LAMA2: variants seen among roughly 807,000 people sequenced by gnomAD.
LAMA2 encodes laminin subunit alpha 2, also known as laminin subunit alpha-2.
Under a neutral mutation model 364.8 loss-of-function variants are expected in LAMA2, and 269 were observed. The observed-to-expected ratio is 0.74, with a 90% CI of 0.67 to 0.82. LAMA2 has a LOEUF of 0.82. Ranked by LOEUF, LAMA2 falls within the 40% of genes least tolerant of loss-of-function variation. The probability of loss-of-function intolerance (pLI) is 0.00; values close to 1 mark genes in which losing one functional copy is unlikely to be tolerated. For synonymous variants in LAMA2, 1,379 were observed against 1,370.6 expected (o/e 1.01, Z -0.14); for missense variants, 3,807 against 3,873.2 (o/e 0.98, Z 0.45).
intron 32 of LAMA2, among the ~76,000 whole-genome samples, chr6:129,359,858 T>C (rs1485637320): frequency 2.6e-5 from 4 of 152,090 alleles, no homozygotes; most frequent in Middle Eastern, 3.2e-3. Context: ...TTATTATGCA[T>C]GGGGAATCCT....
At chr6:129,145,351 AT>A (rs983442504) in intron 5 of LAMA2, among the ~76,000 whole-genome samples, 10 of 151,978 alleles carry the variant, frequency 6.6e-5, no homozygotes, top group Non-Finnish European at 1.3e-4. Flanking sequence ...AGTGCCCTGT[AT>A]TTTCCAAACT....
chr6:129,004,263 G>C (rs559338927), intron 1 of LAMA2, among the ~76,000 whole-genome samples: 2 of 49,908 alleles, frequency 4.0e-5, no homozygotes, highest in East Asian at 6.6e-4. Context: ...TGGGGTCGGG[G>C]GAGGGGGGAG....
intron 4 of LAMA2, among the ~76,000 whole-genome samples, chr6:129,126,657 A>G (rs1777131951): frequency 6.6e-6 from 1 of 152,234 alleles, no homozygotes; most frequent in African/African-American, 2.4e-5. Flanking sequence ...AGTGTTAAAT[A>G]TGAATATCAG....
intron 10 of LAMA2, among the ~76,000 whole-genome samples, chr6:129,184,335 C>T (rs1037078422): frequency 5.9e-5 from 9 of 151,912 alleles, no homozygotes; most frequent in African/African-American, 1.9e-4. Context: ...ATAAAAGGTT[C>T]ATGCATGAAT....
At chr6:128,924,451 G>C (rs950640531) in intron 1 of LAMA2, among the ~76,000 whole-genome samples, 1 of 152,034 alleles carries the variant, frequency 6.6e-6, no homozygotes. Flanking sequence ...AATTTTCCAG[G>C]TAAGTTTATA....
At chr6:129,436,340 T>C (rs948091024) in intron 41 of LAMA2, among the ~76,000 whole-genome samples, 1 of 152,178 alleles carries the variant, frequency 6.6e-6, no homozygotes, top group African/African-American at 2.4e-5. Context: ...AGCATATATA[T>C]GGTGCATCTT....
chr6:129,169,105 A>G (rs1174553944), intron 9 of LAMA2, among the ~76,000 whole-genome samples: 6 of 152,064 alleles, frequency 3.9e-5, no homozygotes, highest in Admixed American at 2.6e-4. Context: ...TGTCGTCTGC[A>G]AACGGGGACA....
chr6:128,991,136 A>G (rs967098425), intron 1 of LAMA2, among the ~76,000 whole-genome samples: 9 of 151,110 alleles, frequency 6.0e-5, no homozygotes, highest in East Asian at 3.9e-4. Flanking sequence ...CATACAGGGG[A>G]AAAAAAAATC....
chr6:129,193,995 G>A (rs996223332), intron 12 of LAMA2, among the ~76,000 whole-genome samples: 5 of 152,082 alleles, frequency 3.3e-5, no homozygotes, highest in African/African-American at 1.2e-4. Flanking sequence ...CAATGAACAT[G>A]TATTTTAAGA....
chr6:129,500,173 G>A (rs1785520013), intron 58 of LAMA2, among the ~76,000 whole-genome samples: 1 of 152,072 alleles, frequency 6.6e-6, no homozygotes, highest in Non-Finnish European at 1.5e-5. Context: ...ATTAGAGGGT[G>A]GGGAATTTTT....
chr6:129,426,972 A>G (rs1781353939), intron 40 of LAMA2, among the ~76,000 whole-genome samples: 1 of 152,228 alleles, frequency 6.6e-6, no homozygotes, highest in Non-Finnish European at 1.5e-5. Context: ...AAATTTACAC[A>G]TAAGATCCTG....
chr6:129,248,920 G>A (rs940425724), intron 12 of LAMA2, among the ~76,000 whole-genome samples: 1 of 152,162 alleles, frequency 6.6e-6, no homozygotes, highest in Non-Finnish European at 1.5e-5. Flanking sequence ...TATTTTATAT[G>A]TGAAAAGACA....
At chr6:129,447,440 G>T (rs1782445487) in intron 45 of LAMA2, among the ~76,000 whole-genome samples, 1 of 152,204 alleles carries the variant, frequency 6.6e-6, no homozygotes, top group Non-Finnish European at 1.5e-5. Context: ...AAGGCAGTGG[G>T]AGAAGGAAGT....
chr6:128,936,891 T>A (rs1246309055), intron 1 of LAMA2, among the ~76,000 whole-genome samples: 1 of 152,070 alleles, frequency 6.6e-6, no homozygotes, highest in Non-Finnish European at 1.5e-5. Context: ...GCTATGACAA[T>A]GTTGATGGTT....
intron 55 of LAMA2, among the ~76,000 whole-genome samples, chr6:129,483,238 T>C (rs1300087379): frequency 1.3e-5 from 2 of 151,130 alleles, no homozygotes; most frequent in Admixed American, 6.6e-5. Flanking sequence ...AAAAAAACTA[T>C]AACAAGTATT....
At chr6:128,981,625 C>T (rs1373158466) in intron 1 of LAMA2, among the ~76,000 whole-genome samples, 2 of 150,978 alleles carry the variant, frequency 1.3e-5, no homozygotes, top group Non-Finnish European at 2.9e-5. Flanking sequence ...GTGGTTGAGC[C>T]TGTCGTCCCA....
At chr6:129,024,584 C>T (rs9492202) in intron 1 of LAMA2, among the ~76,000 whole-genome samples, 44,069 of 151,634 alleles carry the variant, frequency 0.29, 6,864 homozygotes, top group African/African-American at 0.39. Context: ...TTAGTAGAGA[C>T]GGGACTTCAC....
At chr6:129,106,221 T>TTA (rs1400734501) in intron 4 of LAMA2, among the ~76,000 whole-genome samples, 5 of 152,258 alleles carry the variant, frequency 3.3e-5, no homozygotes, top group African/African-American at 7.2e-5. Flanking sequence ...TGACAGAATT[T>TTA]TATATATACA....
intron 31 of LAMA2, among the ~76,000 whole-genome samples, chr6:129,349,735 C>T (rs967843879): frequency 6.6e-6 from 1 of 151,810 alleles, no homozygotes; most frequent in Non-Finnish European, 1.5e-5. Context: ...AAACTGGCTA[C>T]ACTTTTCTTA....
Sources: gnomAD v4.1 joint callset for allele counts (sites outside exome capture counted in the v4.1 genomes callset) on GRCh38, gnomAD v4.1.1 for gene constraint, MANE v1.5 for transcripts, NCBI Gene and HGNC (gene_info 2026-07-23, HGNC 2026-07-21) for gene names.